The following CARS1 variants were observed in gnomAD, a reference collection of about 807,000 sequenced individuals.
The protein encoded by CARS1 is cysteine--tRNA ligase, cytoplasmic.
A neutral mutation model predicts 106.2 loss-of-function variants in CARS1; 48 were observed. That is an observed-to-expected ratio of 0.45 (90% confidence interval 0.36 to 0.57). The LOEUF is 0.57. Ranked by LOEUF, CARS1 falls within the 20% of genes least tolerant of loss-of-function variation. The probability of loss-of-function intolerance (pLI) is 0.00; values close to 1 mark genes in which losing one functional copy is unlikely to be tolerated. For missense variants in CARS1, 968 were observed against 1,057.2 expected, an observed-to-expected ratio of 0.92 and a Z score of 1.17; for synonymous variants, 409 against 403.4, an observed-to-expected ratio of 1.01 and a Z score of -0.17.
intron 10 of CARS1, among the ~76,000 whole-genome samples, chr11:3,024,213 T>G (rs1271262735): frequency 1.3e-5 from 2 of 151,940 alleles, no homozygotes; most frequent in Non-Finnish European, 2.9e-5. Context: ...TCCATCTTTG[T>G]TTTTTAATAA....
intron 9 of CARS1, 39 bp from the exon 10 acceptor site, chr11:3,026,836 A>G: frequency 6.3e-7 from 1 of 1,588,852 alleles, no homozygotes. Flanking sequence ...TGCATCTAAC[A>G]GACCCGAAAG....
At position 3,022,392 on chromosome 11, in the gene CARS1, C is replaced by T. The variant is rs994835712; in HGVS notation, c.1154-2060G>A. On this transcript the variant is annotated intron_variant, in intron 10 of 22. Coordinates refer to ENST00000380525, the MANE Select transcript of CARS1 (RefSeq NM_001014437.3). The surrounding 1 kb of genome is among the most constrained non-coding windows in gnomAD (Gnocchi z 4.9). ...CACTTCCCCAGCAACCGGCAATCCCCATCACCTGTCCAGAGCAATTAAAAA... is the reference window on the plus strand; with the variant it reads ...CACTTCCCCAGCAACCGGCAATCCCTATCACCTGTCCAGAGCAATTAAAAA... 6.6e-6 allele frequency among the ~76,000 whole-genome samples: 1 copy of T among 152,118 alleles called. No homozygotes were observed. The highest frequency in any genetic ancestry group is 1.5e-5 in the Non-Finnish European group (1 of 68,024).
chr11:3,034,513 G>A lies in CARS1; in HGVS notation c.801+3537C>T, dbSNP rs138365035. Reference sequence around the variant, plus strand: ...TAGGATTACAGGCGTGACCCACTGCGCCTGGCCGGGAATGGGTAAAATTTT... The same window carrying A: ...TAGGATTACAGGCGTGACCCACTGCACCTGGCCGGGAATGGGTAAAATTTT... On this transcript the variant is annotated intron_variant, in intron 7 of 22. Coordinates refer to ENST00000380525, the MANE Select transcript of CARS1 (RefSeq NM_001014437.3). The surrounding 1 kb of genome is among the most constrained non-coding windows in gnomAD (Gnocchi z 6.3). Among the ~76,000 whole-genome samples, 2,304 of 152,046 alleles carry A rather than the reference G, an allele frequency of 0.015. 27 individuals carry two copies. The highest frequency in any genetic ancestry group is 0.019 in the Non-Finnish European group (1,300 of 67,982).
Position 3,047,736 on chromosome 11 carries a change from C to G in CARS1, c.274+17G>C. 1.3e-6 allele frequency: 2 copies of G among 1,595,810 alleles called. No homozygotes were observed. Among genetic ancestry groups the G allele is most frequent in the Non-Finnish European group, 8.6e-7 (1 of 1,168,184 alleles). ...GAGAGAGGTTCTAATGGCCAGGGAA[C>G]CCACTCTGTTACTCACTTGCTTGGA... On this transcript the variant is annotated intron_variant, in intron 2 of 22. Coordinates refer to ENST00000380525, the MANE Select transcript of CARS1 (RefSeq NM_001014437.3).
chr11:3,015,947 G>T, intron 16 of CARS1, 98 bp from the exon 17 acceptor site: 2 of 1,005,072 alleles, frequency 2.0e-6, no homozygotes, highest in Non-Finnish European at 3.1e-6. Flanking sequence ...GGGAGGGGGT[G>T]CCCCAAGACC....
rs1481339293 is a variant in CARS1, at chr11:3,020,875, C to T, written c.1154-543G>A. The stretch of plus-strand genomic sequence containing the variant: ...AGTGCAGTGGTGAAGGGGACATTTG[C>T]TGTTCCTGTGTATTTATAAGGGGAA... On this transcript the variant is annotated intron_variant, in intron 10 of 22. Transcript: ENST00000380525. This position sits in a 1 kb window ranked among gnomAD's most constrained non-coding sequence, Gnocchi z 4.6. 6.6e-6 allele frequency among the ~76,000 whole-genome samples: 1 copy of T among 152,158 alleles called. No homozygotes were observed. The highest frequency in any genetic ancestry group is 2.4e-5 in the African/African-American group (1 of 41,418).
At position 3,028,705 on chromosome 11, in the gene CARS1, G is replaced by A. The variant is rs1332536034; in HGVS notation, c.1031+291C>T. On this transcript the variant is annotated intron_variant, in intron 9 of 22. Coordinates refer to ENST00000380525, the MANE Select transcript of CARS1 (RefSeq NM_001014437.3). This position sits in a 1 kb window ranked among gnomAD's most constrained non-coding sequence, Gnocchi z 4.4. ...TGTCTGTGAAGGCCCAGCAGTATTC[G>A]CACTCACCATTATGCAGCTCTGGGG... 2.6e-5 allele frequency: 12 copies of A among 457,170 alleles called. No homozygotes were observed. The highest frequency in any genetic ancestry group is 3.9e-5 in the Non-Finnish European group (10 of 257,894). 28.3% of individuals were successfully genotyped at this position (457,170 alleles called of 1,614,324 possible).
At position 3,001,102 on chromosome 11, in the gene CARS1, T is replaced by G. The variant is rs1163283554; in HGVS notation, c.*12A>C. ...AGTCCACAATGGTTTAAAAAGTCAG[T>G]CCTGTGCCCCCTCACTGGAAGCTTC... On this transcript the variant is annotated 3_prime_UTR_variant, in exon 23 of 23. Coordinates refer to ENST00000380525, the MANE Select transcript of CARS1 (RefSeq NM_001014437.3). 1 of 1,613,814 alleles carries G rather than the reference T, an allele frequency of 6.2e-7. No individual in the cohort carries two copies. Among genetic ancestry groups the G allele is most frequent in the African/African-American group, 1.3e-5 (1 of 75,028 alleles).
chr11:3,029,273 G>A lies in CARS1; in HGVS notation c.942+30C>T. ...AGAAATCAGGGCCCTTAGCGCAAGA[G>A]AGCCAGCACAAGACAATCGTGACAC... On this transcript the variant is annotated intron_variant, in intron 8 of 22. Coordinates refer to ENST00000380525, the MANE Select transcript of CARS1 (RefSeq NM_001014437.3). The surrounding 1 kb of genome is among the most constrained non-coding windows in gnomAD (Gnocchi z 5.9). 3.7e-6 allele frequency: 6 copies of A among 1,609,964 alleles called. No individual in the cohort carries two copies. The highest frequency in any genetic ancestry group is 2.2e-5 in the East Asian group (1 of 44,760).
At chr11:3,032,373 T>G (rs1281098338) in intron 7 of CARS1, among the ~76,000 whole-genome samples, 1 of 151,970 alleles carries the variant, frequency 6.6e-6, no homozygotes, top group Non-Finnish European at 1.5e-5. Flanking sequence ...GCCCGGCCAA[T>G]AACTGGTAGG....
At chr11:3,055,358 G>T (rs184460180) in intron 1 of CARS1, among the ~76,000 whole-genome samples, 1 of 152,204 alleles carries the variant, frequency 6.6e-6, no homozygotes, top group East Asian at 1.9e-4. Context: ...TTTCACCATG[G>T]TCTCGATCTC....
chr11:3,035,686 A>G (rs1356175068), intron 7 of CARS1, among the ~76,000 whole-genome samples: 4 of 151,966 alleles, frequency 2.6e-5, no homozygotes, highest in African/African-American at 9.7e-5. Flanking sequence ...GAGTCTCACT[A>G]TTTTGCCTAG....
At position 3,037,101 on chromosome 11, in the gene CARS1, AACAG is replaced by A. The variant is rs1245405690; in HGVS notation, c.801+945_801+948del. ...GAAACCTAACTGCCCGTCCCAGGAG[AACAG>A]ACAAACAGCTCGGCTCCCAGGCAGG... On this transcript the variant is annotated intron_variant, in intron 7 of 22. Coordinates refer to ENST00000380525, the MANE Select transcript of CARS1 (RefSeq NM_001014437.3). This position sits in a 1 kb window ranked among gnomAD's most constrained non-coding sequence, Gnocchi z 5.9. 1.3e-5 allele frequency among the ~76,000 whole-genome samples: 2 copies of A among 152,152 alleles called. No homozygotes were observed. The highest frequency in any genetic ancestry group is 2.9e-5 in the Non-Finnish European group (2 of 68,032).
chr11:3,055,061 G>T (rs1856063211), intron 1 of CARS1: 2 of 668,456 alleles, frequency 3.0e-6, no homozygotes, highest in Non-Finnish European at 5.4e-6. Context: ...GTGAGATCAG[G>T]AAAGAGAAAT....
chr11:3,001,146 G>A lies in CARS1; in HGVS notation c.2464C>T (p.Leu822=). The A allele has an allele frequency of 6.2e-7, 1 of 1,614,138 alleles. No individual in the cohort carries two copies. The highest frequency in any genetic ancestry group is 8.5e-7 in the Non-Finnish European group (1 of 1,180,024). The change falls in exon 23 of 23, where the codon CTG becomes TTG. Residue 822 remains leucine, a synonymous_variant. Coordinates refer to ENST00000380525, the MANE Select transcript of CARS1 (RefSeq NM_001014437.3). ...EAQEKLYKEY[L]QMAQNGSFQ Reference sequence around the variant, plus strand: ...AAGCTTCCATTCTGGGCCATCTGCAGATATTCCTTGTAGAGCTTCTCCTGA... The same window carrying A: ...AAGCTTCCATTCTGGGCCATCTGCAAATATTCCTTGTAGAGCTTCTCCTGA...
rs1590578994 is a variant in CARS1 at position 3,052,586 on chromosome 11, G to A, written c.26-4585C>T. ...ATGTACCGTCTAGAGCAGGCTAGAC[G>A]GCTCATCAAAAGGGAACCAAGACCA... is the stretch of plus-strand genomic sequence containing the variant. On this transcript the variant is annotated intron_variant, in intron 1 of 22. Coordinates refer to ENST00000380525, the MANE Select transcript of CARS1 (RefSeq NM_001014437.3). This position sits in a 1 kb window ranked among gnomAD's most constrained non-coding sequence, Gnocchi z 4.6. 6.6e-6 allele frequency among the ~76,000 whole-genome samples: 1 copy of A among 152,066 alleles called. No homozygotes were observed. Among genetic ancestry groups the A allele is most frequent in the Non-Finnish European group, 1.5e-5 (1 of 68,012 alleles).
At position 3,004,180 on chromosome 11, in the gene CARS1, C is replaced by G. The variant is rs553668714; in HGVS notation, c.2217+1186G>C. Among the ~76,000 whole-genome samples the G allele has an allele frequency of 6.6e-6, 1 of 152,206 alleles. No homozygotes were observed. The highest frequency in any genetic ancestry group is 1.5e-5 in the Non-Finnish European group (1 of 68,016). On this transcript the variant is annotated intron_variant, in intron 20 of 22. Coordinates refer to ENST00000380525, the MANE Select transcript of CARS1 (RefSeq NM_001014437.3). The surrounding 1 kb of genome is among the most constrained non-coding windows in gnomAD (Gnocchi z 5.2). ...GAGGCAGTCACACCAGCCAACCTCA[C>G]AGGGCAAGCCCAGCTCTTCCCAACC...
At chr11:3,025,817 T>C (rs890010051) in intron 10 of CARS1, among the ~76,000 whole-genome samples, 5 of 152,174 alleles carry the variant, frequency 3.3e-5, no homozygotes, top group Non-Finnish European at 7.3e-5. Flanking sequence ...TTTGAAGCAT[T>C]TGGATCCAGA....
At chr11:3,026,131 G>C (rs1852049091) in intron 10 of CARS1, among the ~76,000 whole-genome samples, 1 of 152,190 alleles carries the variant, frequency 6.6e-6, no homozygotes, top group South Asian at 2.1e-4. Context: ...TTATGTGGGA[G>C]CTAAAAAACG....
Sources: gnomAD v4.1 joint callset for allele counts (sites outside exome capture counted in the v4.1 genomes callset) on GRCh38, gnomAD v4.1.1 for gene constraint, Gnocchi (gnomAD v3.1) non-coding constraint, MANE v1.5 for transcripts, NCBI Gene and HGNC (gene_info 2026-07-23, HGNC 2026-07-21) for gene names.